CDH18: variants seen among roughly 807,000 people sequenced by gnomAD.
The protein encoded by CDH18 is cadherin-18.
CDH18 carries 31 observed loss-of-function variants against 67.9 expected under a neutral mutation model. That is an observed-to-expected ratio of 0.46 (90% confidence interval 0.34 to 0.62). The LOEUF (loss-of-function observed/expected upper bound fraction) is 0.62. Ranked by LOEUF, CDH18 falls within the 20% of genes least tolerant of loss-of-function variation. The pLI is 0.01. For synonymous variants in CDH18, 362 were observed against 347.2 expected (o/e 1.04, Z -0.48); for missense variants, 890 against 975.5 (o/e 0.91, Z 1.17).
intron 2 of CDH18, among the ~76,000 whole-genome samples, chr5:20,118,681 T>C (rs1453581059): frequency 6.6e-6 from 1 of 152,150 alleles, no homozygotes; most frequent in African/African-American, 2.4e-5. Flanking sequence ...CAACCTTCTC[T>C]GTCTTTAAAC....
intron 5 of CDH18, among the ~76,000 whole-genome samples, chr5:19,668,994 A>C (rs1460346260): frequency 6.6e-6 from 1 of 151,018 alleles, no homozygotes; most frequent in African/African-American, 2.4e-5. Context: ...TCAGCTTTCC[A>C]TGATACTTCA....
intron 1 of CDH18, among the ~76,000 whole-genome samples, chr5:20,284,235 T>C (rs1320370826): frequency 4.6e-5 from 7 of 151,882 alleles, no homozygotes; most frequent in Non-Finnish European, 8.8e-5. Context: ...TTTAAACAAC[T>C]AAAAGGATAT....
intron 5 of CDH18, among the ~76,000 whole-genome samples, chr5:19,676,016 T>C (rs2150366104): frequency 6.6e-6 from 1 of 150,660 alleles, no homozygotes; most frequent in South Asian, 2.1e-4. Flanking sequence ...AGTGATCTGA[T>C]AGAGCTGAAA....
chr5:19,729,477 A>G (rs1458967060), intron 4 of CDH18, among the ~76,000 whole-genome samples: 1 of 152,172 alleles, frequency 6.6e-6, no homozygotes, highest in Non-Finnish European at 1.5e-5. Flanking sequence ...GATCTGCTGA[A>G]TCTTGTTTAA....
chr5:20,034,004 A>T (rs866597420), intron 2 of CDH18, among the ~76,000 whole-genome samples: 1 of 152,092 alleles, frequency 6.6e-6, no homozygotes, highest in South Asian at 2.1e-4. Flanking sequence ...ATTCTCAGAC[A>T]TTACATAAAA....
intron 3 of CDH18, among the ~76,000 whole-genome samples, chr5:19,825,377 C>A (rs1780300600): frequency 6.6e-6 from 1 of 152,096 alleles, no homozygotes. Flanking sequence ...TCTACCCACT[C>A]CTGCCTCTCA....
At chr5:19,799,846 C>T (rs746661753) in intron 3 of CDH18, among the ~76,000 whole-genome samples, 1 of 152,104 alleles carries the variant, frequency 6.6e-6, no homozygotes, top group Non-Finnish European at 1.5e-5. Flanking sequence ...AAACCAACTA[C>T]CATTTTTCAA....
rs372507131 is a variant in CDH18 at position 19,614,524 on chromosome 5, T to C, written c.644-1923A>G. ...TACAGAAATGAACAAGCAAAGAACT[T>C]ATGAAAGAAATTTATATTTTCTACC... On this transcript the variant is annotated intron_variant, in intron 5 of 12. Transcript: ENST00000382275. Among the ~76,000 whole-genome samples the C allele has an allele frequency of 7.9e-5, 12 of 152,162 alleles. No homozygotes were observed. The East Asian group carries it at 1.9e-3, about 24-fold the overall frequency.
At chr5:20,518,325 A>G (rs149679453) in intron 1 of CDH18, among the ~76,000 whole-genome samples, 134 of 152,252 alleles carry the variant, frequency 8.8e-4, no homozygotes, top group African/African-American at 3.2e-3. Context: ...ATGAGTGGTC[A>G]GGGATATTTT....
At chr5:19,535,709 A>C (rs1203223378) in intron 9 of CDH18, among the ~76,000 whole-genome samples, 1 of 152,078 alleles carries the variant, frequency 6.6e-6, no homozygotes, top group Non-Finnish European at 1.5e-5. Context: ...TGGTTTGTGG[A>C]CTCTTATGTC....
intron 2 of CDH18, among the ~76,000 whole-genome samples, chr5:19,851,359 T>C (rs1783666577): frequency 6.7e-6 from 1 of 149,212 alleles, no homozygotes; most frequent in South Asian, 2.1e-4. Flanking sequence ...TTATAAAAAA[T>C]TTACCAGTTT....
At chr5:20,425,587 G>T (rs907055130) in intron 1 of CDH18, among the ~76,000 whole-genome samples, 8 of 150,928 alleles carry the variant, frequency 5.3e-5, no homozygotes, top group African/African-American at 2.0e-4. Context: ...CACATAGGTT[G>T]ATAATGTCTA....
At chr5:19,802,715 T>G (rs1042793027) in intron 3 of CDH18, among the ~76,000 whole-genome samples, 1 of 152,220 alleles carries the variant, frequency 6.6e-6, no homozygotes, top group Non-Finnish European at 1.5e-5. Flanking sequence ...GCCTCTTCCT[T>G]ACTTAAGCTG....
intron 3 of CDH18, among the ~76,000 whole-genome samples, chr5:19,816,192 T>G (rs1014411302): frequency 4.0e-5 from 6 of 151,824 alleles, no homozygotes; most frequent in Non-Finnish European, 8.9e-5. Context: ...GGCACACTAT[T>G]TGGTCTCTTA....
At chr5:19,672,563 C>A (rs183855982) in intron 5 of CDH18, among the ~76,000 whole-genome samples, 15 of 152,090 alleles carry the variant, frequency 9.9e-5, no homozygotes, top group African/African-American at 3.6e-4. Flanking sequence ...ATATTCTAAT[C>A]CTCACAAATG....
chr5:19,957,736 A>G (rs13179781), intron 2 of CDH18, among the ~76,000 whole-genome samples: 85,978 of 151,678 alleles, frequency 0.57, 24,599 homozygotes, highest in Middle Eastern at 0.72. Context: ...GAGAAGAATT[A>G]TATACATTTT....
chr5:20,038,321 A>G (rs1308584622), intron 2 of CDH18, among the ~76,000 whole-genome samples: 1 of 152,186 alleles, frequency 6.6e-6, no homozygotes, highest in East Asian at 1.9e-4. Context: ...AACAACTGAA[A>G]AAGAGGGACT....
At chr5:19,799,164 T>C (rs1319295902) in intron 3 of CDH18, among the ~76,000 whole-genome samples, 1 of 152,050 alleles carries the variant, frequency 6.6e-6, no homozygotes, top group Non-Finnish European at 1.5e-5. Flanking sequence ...GAGCAAATAC[T>C]ACATCATTTC....
rs1035659528 is a variant in CDH18 at position 20,498,845 on chromosome 5, A to G, written c.-580+76617T>C. ...AAGAAAAAAATTAAATGGTCACTAA[A>G]CATAGATTTAAATTAAATTCTACAT... On this transcript the variant is annotated intron_variant, in intron 1 of 14. Transcript: ENST00000507958. 1.4e-4 allele frequency among the ~76,000 whole-genome samples: 21 copies of G among 152,094 alleles called. No homozygotes were observed. The East Asian group carries it at 4.0e-3, about 29-fold the overall frequency.
Sources: gnomAD v4.1 joint callset for allele counts (sites outside exome capture counted in the v4.1 genomes callset) on GRCh38, gnomAD v4.1.1 for gene constraint, MANE v1.5 for transcripts, NCBI Gene and HGNC (gene_info 2026-07-23, HGNC 2026-07-21) for gene names.